The following QTMAN variants were observed in gnomAD, a reference collection of about 807,000 sequenced individuals.
The protein encoded by QTMAN is tRNA-queuosine alpha-mannosyltransferase.
the QTMAN span, among the ~76,000 whole-genome samples, chr2:144,167,686 G>A: frequency 6.6e-5 from 10 of 152,106 alleles, no homozygotes; most frequent in Admixed American, 5.9e-4. Context: ...TGCCATAATT[G>A]TAAGTTTCCT....
chr2:144,056,862 C>T, the QTMAN span, among the ~76,000 whole-genome samples: 1 of 152,198 alleles, frequency 6.6e-6, no homozygotes, highest in Non-Finnish European at 1.5e-5. Context: ...GCTGAAGAAT[C>T]CAAGAACTTT....
the QTMAN span, among the ~76,000 whole-genome samples, chr2:144,312,973 G>A: frequency 0.014 from 1 of 74 alleles, no homozygotes; most frequent in Non-Finnish European, 0.028. Context: ...TTATAGCAGT[G>A]TGAAAATGGG....
At chr2:144,120,424 T>C in the QTMAN span, among the ~76,000 whole-genome samples, 6 of 152,350 alleles carry the variant, frequency 3.9e-5, no homozygotes, top group East Asian at 9.6e-4. Flanking sequence ...GGTCAGAACA[T>C]CCAAGTTATA....
At chr2:144,073,765 G>A in the QTMAN span, among the ~76,000 whole-genome samples, 3 of 152,120 alleles carry the variant, frequency 2.0e-5, no homozygotes, top group South Asian at 6.2e-4. Context: ...TATTTCCTTC[G>A]AATCATATCC....
chr2:144,170,899 C>G, the QTMAN span, among the ~76,000 whole-genome samples: 3 of 152,064 alleles, frequency 2.0e-5, no homozygotes, highest in Non-Finnish European at 4.4e-5. Context: ...TCAAAAGTTT[C>G]CATGACTTCA....
chr2:144,070,164 T>C, the QTMAN span, among the ~76,000 whole-genome samples: 1 of 152,256 alleles, frequency 6.6e-6, no homozygotes, highest in East Asian at 1.9e-4. Context: ...ACAAAGATCC[T>C]AATAAATGTT....
At chr2:144,302,665 C>G in the QTMAN span, among the ~76,000 whole-genome samples, 223 of 152,314 alleles carry the variant, frequency 1.5e-3, no homozygotes, top group African/African-American at 5.2e-3. Context: ...CTAGGCCAGT[C>G]AGAACACCGG....
the QTMAN span, among the ~76,000 whole-genome samples, chr2:144,071,236 G>A: frequency 6.6e-6 from 1 of 150,850 alleles, no homozygotes; most frequent in Non-Finnish European, 1.5e-5. Flanking sequence ...AATAACATGG[G>A]AACATTTTGC....
chr2:144,192,299 G>A, the QTMAN span, among the ~76,000 whole-genome samples: 7 of 151,984 alleles, frequency 4.6e-5, no homozygotes, highest in Non-Finnish European at 1.0e-4. Context: ...TAGAGACAGG[G>A]TTTTGTCATG....
the QTMAN span, among the ~76,000 whole-genome samples, chr2:144,111,839 G>A: frequency 4.6e-5 from 7 of 152,150 alleles, no homozygotes; most frequent in East Asian, 5.8e-4. Context: ...TCAGATGCTC[G>A]GCCTGCTTAA....
At chr2:144,018,488 CTG>C in the QTMAN span, among the ~76,000 whole-genome samples, 4 of 152,098 alleles carry the variant, frequency 2.6e-5, no homozygotes, top group Non-Finnish European at 5.9e-5. Context: ...GAAATAAAAC[CTG>C]TAAGTATACA....
At chr2:144,325,009 T>C in the QTMAN span, among the ~76,000 whole-genome samples, 1 of 152,150 alleles carries the variant, frequency 6.6e-6, no homozygotes, top group African/African-American at 2.4e-5. Context: ...AATCAATCCA[T>C]AAAATTTTCA....
At chr2:143,964,437 T>A in the QTMAN span, among the ~76,000 whole-genome samples, 1 of 152,200 alleles carries the variant, frequency 6.6e-6, no homozygotes, top group Non-Finnish European at 1.5e-5. Context: ...ACAAGGTCTC[T>A]CTCTGCCACT....
chr2:144,136,585 T>C, the QTMAN span, among the ~76,000 whole-genome samples: 1 of 152,124 alleles, frequency 6.6e-6, no homozygotes, highest in Non-Finnish European at 1.5e-5. Flanking sequence ...AAAATTTCCC[T>C]ACTTCTGCTA....
At chr2:144,043,620 A>G in the QTMAN span, among the ~76,000 whole-genome samples, 6 of 148,824 alleles carry the variant, frequency 4.0e-5, no homozygotes, top group African/African-American at 1.5e-4. Context: ...GCAATAGAAT[A>G]AGACTCCGTC....
At chr2:144,175,407 C>A in the QTMAN span, among the ~76,000 whole-genome samples, 1 of 152,020 alleles carries the variant, frequency 6.6e-6, no homozygotes, top group South Asian at 2.1e-4. Flanking sequence ...AATTTTTTTA[C>A]ATGCCTATCT....
the QTMAN span, among the ~76,000 whole-genome samples, chr2:144,066,888 A>G: frequency 2.6e-5 from 4 of 152,224 alleles, no homozygotes; most frequent in African/African-American, 7.2e-5. Flanking sequence ...ATCCCTCCAA[A>G]TCTGTTTCTA....
chr2:144,144,831 G>C, the QTMAN span, among the ~76,000 whole-genome samples: 3 of 151,856 alleles, frequency 2.0e-5, no homozygotes, highest in African/African-American at 7.2e-5. Context: ...TGTTAATAAA[G>C]ATAAATAAAA....
At chr2:144,222,502 T>TG in the QTMAN span, among the ~76,000 whole-genome samples, 3 of 151,976 alleles carry the variant, frequency 2.0e-5, no homozygotes, top group Non-Finnish European at 4.4e-5. Flanking sequence ...ATTTCTGAAG[T>TG]GTCTTGTATT....
Sources: allele counts gnomAD v4.1 joint callset (sites outside exome capture counted in the v4.1 genomes callset), GRCh38; gene constraint gnomAD v4.1.1; transcripts MANE v1.5; gene names NCBI Gene and HGNC (gene_info 2026-07-23, HGNC 2026-07-21).